Variants in SPTBN4 observed in about 807,000 individuals in gnomAD.
SPTBN4 encodes the protein spectrin beta, non-erythrocytic 4, also known as spectrin beta chain, non-erythrocytic 4.
A neutral mutation model predicts 277.8 loss-of-function variants in SPTBN4; 96 were observed. The observed-to-expected ratio is 0.35, with a 90% confidence interval of 0.29 to 0.41. The LOEUF (loss-of-function observed/expected upper bound fraction) is 0.41. Ranked by LOEUF, SPTBN4 falls within the 10% of genes least tolerant of loss-of-function variation. The pLI is 1.00. For missense variants in SPTBN4, 3,006 were observed against 3,595.7 expected, an observed-to-expected ratio of 0.84 and a Z score of 4.19; for synonymous variants, 1,481 against 1,580.3, an observed-to-expected ratio of 0.94 and a Z score of 1.49.
At chr19:40,506,410 G>A (rs773333422) in intron 13 of SPTBN4, 24 bp downstream of exon 13, 3 of 1,599,432 alleles carry the variant, frequency 1.9e-6, no homozygotes, top group African/African-American at 2.7e-5. Flanking sequence ...CTGGGGCTGG[G>A]GCTATGGGTG....
chr19:40,467,126 C>G lies in SPTBN4; in HGVS notation c.-195C>G, dbSNP rs1244281070. Reference sequence around the variant, plus strand: ...GGTCCCGGGGGCGCGCTGAGCGCGGCGGCGGCGCGAGAGAGGGAGGCGCGG... The same window carrying G: ...GGTCCCGGGGGCGCGCTGAGCGCGGGGGCGGCGCGAGAGAGGGAGGCGCGG... On this transcript the variant is annotated 5_prime_UTR_variant, in exon 1 of 36. Coordinates refer to ENST00000598249, the MANE Select transcript of SPTBN4 (RefSeq NM_020971.3). 1 of 148,706 alleles carries G rather than the reference C, an allele frequency of 6.7e-6. No individual in the cohort carries two copies. The highest frequency in any genetic ancestry group is 2.4e-5 in the African/African-American group (1 of 40,968). 9.2% of individuals were successfully genotyped at this position (148,706 alleles called of 1,614,324 possible).
intron 13 of SPTBN4, among the ~76,000 whole-genome samples, chr19:40,507,107 A>G (rs1260477369): frequency 6.6e-6 from 1 of 152,134 alleles, no homozygotes; most frequent in Non-Finnish European, 1.5e-5. Context: ...TGTAACCAAA[A>G]TGTTCAGGGA....
chr19:40,571,041 C>G, intron 33 of SPTBN4: 1 of 348,444 alleles, frequency 2.9e-6, no homozygotes, highest in South Asian at 3.5e-5. Context: ...GTTAGTGCAT[C>G]TAATGGATGA....
chr19:40,572,072 A>G lies in SPTBN4; in HGVS notation c.7373A>G (p.Lys2458Arg). 1 of 1,611,142 alleles carries G rather than the reference A, an allele frequency of 6.2e-7. No homozygotes were observed. Among genetic ancestry groups the G allele is most frequent in the Non-Finnish European group, 8.5e-7 (1 of 1,178,696 alleles). Residue 2458 changes from lysine to arginine, a missense_variant, in exon 34 of 36, where the codon AAG becomes AGG. By Grantham distance (26) the Lys-to-Arg change is conservative. Coordinates refer to ENST00000598249, the MANE Select transcript of SPTBN4 (RefSeq NM_020971.3). ...AGTAAGGGGGAACTGGGCTTCTACA[A>G]GGACTCCAAGGGCCCGGCATCCGGG... ...VLSKGELGFY[K>R]DSKGPASGST...
At chr19:40,505,755 A>AAGGAAGG (rs1568786573) in intron 12 of SPTBN4, among the ~76,000 whole-genome samples, 38 of 127,246 alleles carry the variant, frequency 3.0e-4, no homozygotes, top group South Asian at 5.0e-4. Context: ...AGGAAGGAAG[A>AAGGAAGG]AAGAAAGGTG....
rs753623126 is a variant in SPTBN4 at position 40,529,121 on chromosome 19, A to T, written c.3938A>T (p.Asp1313Val). The change falls in exon 18 of 36, where the codon GAC (aspartate) becomes GTC (valine). Residue 1313 changes from aspartate to valine, a missense_variant. Around this residue, in one of 5 missense-constraint regions of SPTBN4, gnomAD observed 1,759 missense variants for 2,061.5 expected, o/e 0.85. Coordinates refer to ENST00000598249, the MANE Select transcript of SPTBN4 (RefSeq NM_020971.3). ...DQLELQHFLRDCHELDGWIHE... is the reference protein window; with the variant it reads ...DQLELQHFLRVCHELDGWIHE... ...CTTGAGCTGCAGCACTTCCTCCGAG[A>T]CTGCCACGAGGTAGGAACTCCAGGT... 2 of 1,613,862 alleles carry T rather than the reference A, an allele frequency of 1.2e-6. No homozygotes were observed. Among genetic ancestry groups the T allele is most frequent in the South Asian group, 2.2e-5 (2 of 91,088 alleles).
intron 20 of SPTBN4, among the ~76,000 whole-genome samples, chr19:40,540,739 A>T (rs1288044945): frequency 6.8e-6 from 1 of 146,840 alleles, no homozygotes; most frequent in Non-Finnish European, 1.5e-5. Flanking sequence ...ACTTGAGCCC[A>T]GGAGGTTGAA....
At chr19:40,499,036 T>G (rs921071311) in intron 7 of SPTBN4, among the ~76,000 whole-genome samples, 22 of 151,812 alleles carry the variant, frequency 1.4e-4, no homozygotes, top group Admixed American at 1.2e-3. Flanking sequence ...GTTCATTTAT[T>G]TATTTATTTG....
chr19:40,494,138 G>A (rs553394611), intron 5 of SPTBN4, among the ~76,000 whole-genome samples: 3 of 152,280 alleles, frequency 2.0e-5, no homozygotes, highest in South Asian at 2.1e-4. Context: ...AGCAGCTCCT[G>A]GGAGGACGGA....
chr19:40,542,651 C>T (rs1047946527), intron 20 of SPTBN4, among the ~76,000 whole-genome samples: 4 of 151,776 alleles, frequency 2.6e-5, no homozygotes, highest in African/African-American at 9.7e-5. Flanking sequence ...GAAACACCCT[C>T]CTCCCCCCTG....
intron 18 of SPTBN4, chr19:40,530,408 G>A (rs1034411947): frequency 4.1e-6 from 3 of 733,180 alleles, no homozygotes; most frequent in African/African-American, 3.8e-5. Context: ...CAAAGAGGCG[G>A]GCAGGGAGGC....
At chr19:40,497,242 C>T (rs1442006941) in intron 6 of SPTBN4, among the ~76,000 whole-genome samples, 1 of 152,152 alleles carries the variant, frequency 6.6e-6, no homozygotes, top group African/African-American at 2.4e-5. Context: ...CGTCTGTGTG[C>T]ACAGGCCGGC....
intron 2 of SPTBN4, among the ~76,000 whole-genome samples, chr19:40,476,366 G>T (rs1396785621): frequency 6.7e-6 from 1 of 148,934 alleles, no homozygotes; most frequent in African/African-American, 2.5e-5. Context: ...AAAAAAAAGA[G>T]AGAGAGAGAG....
At position 40,569,661 on chromosome 19, in the gene SPTBN4, G is replaced by A; in HGVS notation, c.6961G>A (p.Ala2321Thr). 1 of 1,612,480 alleles carries A rather than the reference G, an allele frequency of 6.2e-7. No individual in the cohort carries two copies. The highest frequency in any genetic ancestry group is 8.5e-7 in the Non-Finnish European group (1 of 1,179,374). Residue 2321 changes from alanine to threonine, a missense_variant, in exon 32 of 36, where the codon GCC becomes ACC. By Grantham distance (58) the Ala-to-Thr change is moderately conservative (BLOSUM62 0). This residue lies in a region of SPTBN4 where 630 missense variants were observed against 677.6 expected (regional missense o/e 0.93). Transcript: ENST00000598249. ...TTTCTGTCCCCCATCCCCCAGGAAG[G>A]CCACCCTGGCTGACATTGTGGAACA... is the stretch of plus-strand genomic sequence containing the variant. ...PIRGDLVKGK[A>T]TLADIVEQLQ...
At chr19:40,484,091 G>A (rs115781927) in intron 2 of SPTBN4, among the ~76,000 whole-genome samples, 1,861 of 151,914 alleles carry the variant, frequency 0.012, 36 homozygotes, top group African/African-American at 0.041. Flanking sequence ...CAAAAAAAAA[G>A]AGAGAAAAAC....
chr19:40,471,236 C>T (rs553010394), intron 1 of SPTBN4, among the ~76,000 whole-genome samples: 1 of 152,208 alleles, frequency 6.6e-6, no homozygotes, highest in African/African-American at 2.4e-5. Context: ...CATGAGCCAC[C>T]GCGCCTGGCC....
At chr19:40,531,464 G>GTTTTTTTTTTT (rs71173645) in intron 18 of SPTBN4, among the ~76,000 whole-genome samples, 3 of 40,930 alleles carry the variant, frequency 7.3e-5, no homozygotes, top group African/African-American at 2.4e-4. Context: ...TCCAGTGTTT[G>GTTTTTTTTTTT]TTTTTTTTTT....
chr19:40,510,795 G>T (rs2080382186), intron 13 of SPTBN4, among the ~76,000 whole-genome samples: 1 of 152,084 alleles, frequency 6.6e-6, no homozygotes, highest in Non-Finnish European at 1.5e-5. Context: ...GCCAAGGTGG[G>T]TGAATTTCTT....
intron 6 of SPTBN4, among the ~76,000 whole-genome samples, chr19:40,495,816 C>T (rs2080190738): frequency 1.3e-5 from 2 of 152,140 alleles, no homozygotes; most frequent in African/African-American, 4.8e-5. Context: ...CATGATCATT[C>T]GCATGACATA....
Sources: allele counts gnomAD v4.1 joint callset (sites outside exome capture counted in the v4.1 genomes callset), GRCh38; gene constraint gnomAD v4.1.1; regional missense constraint gnomAD v4.1.1; transcripts MANE v1.5; gene names NCBI Gene and HGNC (gene_info 2026-07-23, HGNC 2026-07-21).